EPHA1: variants seen among roughly 807,000 people sequenced by gnomAD.
EPHA1 encodes ephrin type-A receptor 1.
In EPHA1, 92 loss-of-function variants were observed where a neutral mutation model predicts 110.1. That is an observed-to-expected ratio of 0.84 (90% CI 0.71 to 0.99). The LOEUF (loss-of-function observed/expected upper bound fraction) is 0.99, where lower values mean the gene tolerates loss of function less well. EPHA1 is among the 50% of genes least tolerant of loss of function. The probability of loss-of-function intolerance (pLI) is 0.00; values close to 1 mark genes in which losing one functional copy is unlikely to be tolerated. For synonymous variants in EPHA1, 500 were observed against 516.1 expected (o/e 0.97, Z 0.42); for missense variants, 1,204 against 1,285.4 (o/e 0.94, Z 0.97).
At chr7:143,406,207 A>G (rs1292264324) in intron 2 of EPHA1, among the ~76,000 whole-genome samples, 1 of 152,034 alleles carries the variant, frequency 6.6e-6, no homozygotes, top group Non-Finnish European at 1.5e-5. Context: ...TGGAGTTGGG[A>G]CTTTCGGCCC....
chr7:143,393,816 AG>A lies in EPHA1; in HGVS notation c.2550del (p.Cys851AlafsTer9), dbSNP rs1342174317. On this transcript the variant is annotated frameshift_variant, in exon 16 of 18. Transcript: ENST00000275815. LOFTEE classifies it high-confidence loss of function. The surrounding 1 kb of genome is among the most constrained non-coding windows in gnomAD (Gnocchi z 5.6). ...ATGAGCTCATACAGAGGGGCAGGGC[AG>A]TCCACAGGAGGGGGCAACCGGTACC... ...EDGYRLPPPV[D>X]CPAPLYELMK... 6.3e-7 allele frequency: 1 copy of A among 1,597,972 alleles called. No homozygotes were observed. The highest frequency in any genetic ancestry group is 8.5e-7 in the Non-Finnish European group (1 of 1,169,740).
intron 9 of EPHA1, 22 bp downstream of exon 9, chr7:143,397,539 G>A (rs750578123): frequency 8.7e-6 from 14 of 1,613,170 alleles, no homozygotes; most frequent in Non-Finnish European, 1.1e-5. Flanking sequence ...CTGGTGGTTG[G>A]GGAGGGGGCA....
At chr7:143,407,583 C>T (rs377647008) in intron 2 of EPHA1, 28 bp downstream of exon 2, 14 of 1,610,852 alleles carry the variant, frequency 8.7e-6, no homozygotes, top group African/African-American at 1.3e-5. Flanking sequence ...AGGAGTTTTC[C>T]AAGATCCTTC....
intron 10 of EPHA1, 34 bp from the exon 11 acceptor site, chr7:143,396,544 C>T (rs935174796): frequency 6.2e-7 from 1 of 1,610,250 alleles, no homozygotes; most frequent in Non-Finnish European, 8.5e-7. Flanking sequence ...GGAGTACCAA[C>T]ATCAGGGCTC....
In EPHA1 at chr7:143,401,436, T is replaced by C; in HGVS notation, c.320A>G (p.Lys107Arg). 2 of 1,614,076 alleles carry C rather than the reference T, an allele frequency of 1.2e-6. No individual in the cohort carries two copies. Among genetic ancestry groups the C allele is most frequent in the Non-Finnish European group, 1.7e-6 (2 of 1,180,018 alleles). Reference protein sequence around the residue: ...VELQFTVRDCKSFPGGAGPLG... With the variant: ...VELQFTVRDCRSFPGGAGPLG... ...AGGCCCGGCTCCCCCAGGGAAACTC[T>C]TGCAGTCCCGCACGGTGAACTGCAG... is the stretch of plus-strand genomic sequence containing the variant. The change falls in exon 3 of 18, where the codon AAG becomes AGG. Residue 107 changes from lysine to arginine, a missense_variant. Transcript: ENST00000275815. This position sits in a 1 kb window ranked among gnomAD's most constrained non-coding sequence, Gnocchi z 4.1.
chr7:143,398,744 C>T lies in EPHA1; in HGVS notation c.1193G>A (p.Gly398Glu). 6.2e-7 allele frequency: 1 copy of T among 1,614,010 alleles called. No individual in the cohort carries two copies. The highest frequency in any genetic ancestry group is 2.2e-5 in the East Asian group (1 of 44,858). The change falls in exon 6 of 18, where the codon GGG (glycine) becomes GAG (glutamate). Residue 398 changes from glycine (G) to glutamate (E), a missense_variant. Gly to Glu is a moderately conservative substitution (Grantham distance 98, BLOSUM62 -2). Transcript: ENST00000275815. ...VGVHFSPGAR[G>E]LTTPAVHVNG... ...GACATGCACTGCAGGTGTGGTGAGC[C>T]CCCGGGCCCCCGGCGAGAAGTGCAC...
Position 143,398,585 on chromosome 7 carries a change from CCT to C in EPHA1, c.1336+14_1336+15del. 6.2e-7 allele frequency: 1 copy of C among 1,610,274 alleles called. No homozygotes were observed. Among genetic ancestry groups the C allele is most frequent in the Non-Finnish European group, 8.5e-7 (1 of 1,177,316 alleles). On this transcript the variant is annotated intron_variant, in intron 6 of 17. Transcript: ENST00000275815. Reference sequence around the variant, plus strand: ...TCTCCACCAGGTCCCTGTCCCAGCCCCTCTCAGCCTCTCACCTGCATGCCCCA... The same window carrying C: ...TCTCCACCAGGTCCCTGTCCCAGCCCCTCAGCCTCTCACCTGCATGCCCCA...
At position 143,400,248 on chromosome 7, in the gene EPHA1, T is replaced by C. The variant is rs183470111; in HGVS notation, c.433-195A>G. Among the ~76,000 whole-genome samples the C allele has an allele frequency of 2.0e-5, 3 of 152,296 alleles. No homozygotes were observed. The East Asian group carries it at 5.8e-4, about 29-fold the overall frequency. On this transcript the variant is annotated intron_variant, in intron 3 of 17. Transcript: ENST00000275815. ...AATCCTCTTATGAGGTAGGATGGCT[T>C]ATTGTCTCTATTTAATAGATGAGGA...
At chr7:143,407,794 G>T in intron 1 of EPHA1, 116 bp from the exon 2 acceptor site, 1 of 883,134 alleles carries the variant, frequency 1.1e-6, no homozygotes. Flanking sequence ...CCTAAAAGCT[G>T]TGACTTCCTG....
In EPHA1 at chr7:143,401,052, C is replaced by T. The variant is rs75831472; in HGVS notation, c.432+272G>A. On this transcript the variant is annotated intron_variant, in intron 3 of 17. Transcript: ENST00000275815. The surrounding 1 kb of genome is among the most constrained non-coding windows in gnomAD (Gnocchi z 4.1). ...GGGACTACAGGTATGGGCCACCATG[C>T]CCAGGTGATTTTTAATTTTTTGCAG... The T allele has an allele frequency of 0.038, 17,955 of 470,506 alleles. 1,859 individuals carry two copies. The highest frequency in any genetic ancestry group is 0.35 in the East Asian group (8,409 of 23,818). The allele number at this position is 470,506 out of a possible 1,614,324, so 29.1% of individuals were successfully genotyped here. A position where few individuals can be genotyped will look rare whatever the true frequency, so the allele number is the denominator to read the frequency against.
At chr7:143,394,406 GCTT>G in intron 14 of EPHA1, 63 bp from the exon 15 acceptor site, 1 of 1,521,814 alleles carries the variant, frequency 6.6e-7, no homozygotes, top group Non-Finnish European at 8.9e-7. Flanking sequence ...GAGTCTTTCT[GCTT>G]CTTTTATTGT....
At chr7:143,405,127 C>T (rs1805511850) in intron 2 of EPHA1, among the ~76,000 whole-genome samples, 1 of 152,010 alleles carries the variant, frequency 6.6e-6, no homozygotes, top group South Asian at 2.1e-4. Context: ...ATGAAAAAGG[C>T]ACCAGGAGGC....
chr7:143,398,220 T>C lies in EPHA1; in HGVS notation c.1464+101A>G, dbSNP rs1805313016. On this transcript the variant is annotated intron_variant, in intron 7 of 17. Transcript: ENST00000275815. ...CTTTTGTCCTGAGAAAGCCACACAG[T>C]GGACTTCGGGTGGATTCCTCCCAAC... The C allele has an allele frequency of 3.2e-6, 5 of 1,584,902 alleles. No homozygotes were observed. In the Admixed American group the frequency reaches 8.5e-5, roughly 27 times the overall value.
rs751495235 is a variant in EPHA1 at position 143,391,552 on chromosome 7, G to A, written c.2853-17C>T. ...GTCAGGTCCCTGTGGGCAAGGAAGG[G>A]TGGGGGCATGAGTCCGGAGGCTCCA... On this transcript the variant is annotated splice_polypyrimidine_tract_variant and intron_variant, in intron 17 of 17. Transcript: ENST00000275815. The A allele has an allele frequency of 2.5e-6, 4 of 1,614,186 alleles. No homozygotes were observed. Among genetic ancestry groups the A allele is most frequent in the Non-Finnish European group, 3.4e-6 (4 of 1,180,024 alleles).
Position 143,394,193 on chromosome 7 carries a change from C to G in EPHA1, c.2502+1G>C. On this transcript the variant is annotated splice_donor_variant, in intron 15 of 17. Coordinates refer to ENST00000275815, the MANE Select transcript of EPHA1 (RefSeq NM_005232.5). LOFTEE classifies it high-confidence loss of function. ...GATGAGGAAGAATATTCTGGGCTCA[C>G]CTCCTGATTGCTCATCTCCCCATAA... 1 of 1,611,676 alleles carries G rather than the reference C, an allele frequency of 6.2e-7. No individual in the cohort carries two copies. The highest frequency in any genetic ancestry group is 8.5e-7 in the Non-Finnish European group (1 of 1,178,254).
chr7:143,396,410 C>T lies in EPHA1; in HGVS notation c.1872G>A (p.Leu624=), dbSNP rs757555626. The change falls in exon 11 of 18, where the codon CTG becomes CTA. Residue 624 remains leucine (L), a synonymous_variant. Coordinates refer to ENST00000275815, the MANE Select transcript of EPHA1 (RefSeq NM_005232.5). ...CTTCTCCTATGACAGTGTCCACCAT[C>T]AGCCACGCTGGATCAAGCTCCCGGG... ...DFTRELDPAW[L]MVDTVIGEGE... 4.0e-5 allele frequency: 64 copies of T among 1,613,022 alleles called. No individual in the cohort carries two copies. The highest frequency in any genetic ancestry group is 2.5e-4 in the Admixed American group (15 of 59,922).
intron 2 of EPHA1, among the ~76,000 whole-genome samples, chr7:143,406,124 G>A (rs4421280): frequency 0.94 from 142,406 of 152,244 alleles, 66,714 homozygotes; most frequent in Middle Eastern, 0.99. Context: ...TTATATGCTA[G>A]TGAGCTGACT....
At chr7:143,399,439 T>A (rs1805355310) in intron 4 of EPHA1, 26 bp from the exon 5 acceptor site, 2 of 1,556,732 alleles carry the variant, frequency 1.3e-6, no homozygotes, top group South Asian at 2.5e-5. Context: ...AGCAGAGCAG[T>A]GGTTCTGTAA....
rs535384858 is a variant in EPHA1 at position 143,397,229 on chromosome 7, C to T, written c.1771+75G>A. On this transcript the variant is annotated intron_variant, in intron 10 of 17. Transcript: ENST00000275815. ...TCCCTTGATCCCTTCCCAGTGGCATCTCCCAACACACACACACACGCACAC... is the reference window on the plus strand; with the variant it reads ...TCCCTTGATCCCTTCCCAGTGGCATTTCCCAACACACACACACACGCACAC... 3 of 1,482,566 alleles carry T rather than the reference C, an allele frequency of 2.0e-6. No homozygotes were observed. The African/African-American group carries it at 4.2e-5, about 21-fold the overall frequency. The allele number at this position is 1,482,566 out of a possible 1,614,324, so 91.8% of individuals were successfully genotyped here. A position where few individuals can be genotyped will look rare whatever the true frequency, so the allele number is the denominator to read the frequency against.
Sources: gnomAD v4.1 joint callset for allele counts (sites outside exome capture counted in the v4.1 genomes callset) on GRCh38, gnomAD v4.1.1 for gene constraint, Gnocchi (gnomAD v3.1) non-coding constraint, MANE v1.5 for transcripts, NCBI Gene and HGNC (gene_info 2026-07-23, HGNC 2026-07-21) for gene names.